Variants in F2RL2 observed in about 807,000 individuals in gnomAD.
The protein encoded by F2RL2 is proteinase-activated receptor 3.
In F2RL2, 4 loss-of-function variants were observed where a neutral mutation model predicts 4.3. That is an observed-to-expected ratio of 0.93 (90% CI 0.46 to 2.12). F2RL2 has a LOEUF of 2.12. F2RL2 is among the 30% of genes most tolerant of loss of function. The pLI is 0.02. For synonymous variants in F2RL2, 166 were observed against 170.9 expected, an observed-to-expected ratio of 0.97 and a Z score of 0.22; for missense variants, 408 against 449.3, an observed-to-expected ratio of 0.91 and a Z score of 0.83.
At position 76,617,102 on chromosome 5, in the gene F2RL2, T is replaced by C. The variant is rs1296497132; in HGVS notation, c.*480A>G. 2 of 154,684 alleles carry C rather than the reference T, an allele frequency of 1.3e-5. No homozygotes were observed. The highest frequency in any genetic ancestry group is 2.9e-5 in the Non-Finnish European group (2 of 69,614). The allele number at this position is 154,684 out of a possible 1,614,324, so 9.6% of individuals were successfully genotyped here. On this transcript the variant is annotated 3_prime_UTR_variant, in exon 2 of 2. Transcript: ENST00000296641. ...TGTCATTTTCCATAGAGTTGTGATA[T>C]CTTTTCTCCTGCATTAACATTTTTA... is the stretch of plus-strand genomic sequence containing the variant.
Position 76,623,309 on chromosome 5 carries a change from T to G in F2RL2, c.-79A>C. ...AGCACAATTTCACCTCAGTTCCATG[T>G]GTCAGCAGCAAATGGAAGCCTTGGT... is the stretch of plus-strand genomic sequence containing the variant. On this transcript the variant is annotated 5_prime_UTR_variant, in exon 1 of 2. Coordinates refer to ENST00000296641, the MANE Select transcript of F2RL2 (RefSeq NM_004101.4). The G allele has an allele frequency of 6.5e-7, 1 of 1,530,440 alleles. No homozygotes were observed. 94.8% of individuals were successfully genotyped at this position (1,530,440 alleles called of 1,614,324 possible). A position where few individuals can be genotyped will look rare whatever the true frequency, so the allele number is the denominator to read the frequency against.
intron 1 of F2RL2, 52 bp downstream of exon 1, chr5:76,623,115 A>G: frequency 1.3e-6 from 2 of 1,570,984 alleles, no homozygotes; most frequent in African/African-American, 1.4e-5. Flanking sequence ...TTGACTCTTA[A>G]TTTGTAACAG....
chr5:76,617,669 C>T lies in F2RL2; in HGVS notation c.1038G>A (p.Leu346=), dbSNP rs1351589117. Reference sequence around the variant, plus strand: ...GATCTAAGCAACTATTAAGACTACCCAGGCACAAAGCTATGAGATATATAA... The same window carrying T: ...GATCTAAGCAACTATTAAGACTACCTAGGCACAAAGCTATGAGATATATAA... ...LYFIYLIALC[L]GSLNSCLDPF... Residue 346 remains leucine (L), a synonymous_variant, in exon 2 of 2, where the codon CTG becomes CTA. Transcript: ENST00000296641. 4 of 1,613,866 alleles carry T rather than the reference C, an allele frequency of 2.5e-6. No individual in the cohort carries two copies. The Admixed American group carries it at 6.7e-5, about 27-fold the overall frequency.
chr5:76,620,188 G>C (rs930911955), intron 1 of F2RL2, among the ~76,000 whole-genome samples: 1 of 152,188 alleles, frequency 6.6e-6, no homozygotes, highest in Non-Finnish European at 1.5e-5. Context: ...TTGTTTTTAA[G>C]ATGACTTAGG....
In F2RL2 at chr5:76,617,853, A is replaced by G; in HGVS notation, c.854T>C (p.Ile285Thr). ...FVLIIYCYAAIIRTLNAYDHR... is the reference protein window; with the variant it reads ...FVLIIYCYAATIRTLNAYDHR... The stretch of plus-strand genomic sequence containing the variant: ...ATCGTATGCATTAAGTGTCCGGATG[A>G]TGGCTGCATAGCAGTAGATGATAAG... The change falls in exon 2 of 2, where the codon ATC (isoleucine) becomes ACC (threonine). Residue 285 changes from isoleucine (I) to threonine (T), a missense_variant. Transcript: ENST00000296641. The G allele has an allele frequency of 6.2e-7, 1 of 1,614,102 alleles. No individual in the cohort carries two copies. Among genetic ancestry groups the G allele is most frequent in the Non-Finnish European group, 8.5e-7 (1 of 1,179,992 alleles).
intron 1 of F2RL2, among the ~76,000 whole-genome samples, chr5:76,619,267 G>A (rs1300199041): frequency 2.0e-5 from 3 of 152,196 alleles, no homozygotes; most frequent in Non-Finnish European, 2.9e-5. Flanking sequence ...AAGTGCAGCT[G>A]AGAAAGGAAA....
At chr5:76,621,931 A>T (rs1250866322) in intron 1 of F2RL2, among the ~76,000 whole-genome samples, 2 of 152,208 alleles carry the variant, frequency 1.3e-5, no homozygotes, top group African/African-American at 4.8e-5. Flanking sequence ...GAATACAGTC[A>T]TGGATTCATA....
At chr5:76,622,330 A>C (rs189892017) in intron 1 of F2RL2, among the ~76,000 whole-genome samples, 26 of 152,336 alleles carry the variant, frequency 1.7e-4, no homozygotes, top group African/African-American at 6.0e-4. Context: ...GCTTACTGCT[A>C]ATCACCACAG....
rs989805445 is a variant in F2RL2, at chr5:76,615,668, A to G, written c.*1914T>C. 1 of 152,114 alleles carries G rather than the reference A, an allele frequency of 6.6e-6. No individual in the cohort carries two copies. The highest frequency in any genetic ancestry group is 2.1e-4 in the South Asian group (1 of 4,824). The allele number at this position is 152,114 out of a possible 1,614,324, so 9.4% of individuals were successfully genotyped here. A position where few individuals can be genotyped will look rare whatever the true frequency, so the allele number is the denominator to read the frequency against. Reference sequence around the variant, plus strand: ...TCTTCCCTGCTGTCTAATCACTAATATCTTCCCTCCTGTCTAATCACTAAT... The same window carrying G: ...TCTTCCCTGCTGTCTAATCACTAATGTCTTCCCTCCTGTCTAATCACTAAT... On this transcript the variant is annotated 3_prime_UTR_variant, in exon 2 of 2. Transcript: ENST00000296641.
At chr5:76,619,514 C>CCTTTT (rs1561518620) in intron 1 of F2RL2, among the ~76,000 whole-genome samples, 2 of 104,266 alleles carry the variant, frequency 1.9e-5, no homozygotes, top group Non-Finnish European at 3.8e-5. Context: ...TAAGGATCTT[C>CCTTTT]TTTTTTTTTT....
rs1032232282 is a variant in F2RL2 at position 76,615,726 on chromosome 5, G to A, written c.*1856C>T. On this transcript the variant is annotated 3_prime_UTR_variant, in exon 2 of 2. Coordinates refer to ENST00000296641, the MANE Select transcript of F2RL2 (RefSeq NM_004101.4). Reference sequence around the variant, plus strand: ...TTCCTGTCTAATCACTGAGTTAAGGGAAAAATAGTCATTTACTTACAGGAA... The same window carrying A: ...TTCCTGTCTAATCACTGAGTTAAGGAAAAAATAGTCATTTACTTACAGGAA... 1 of 145,736 alleles carries A rather than the reference G, an allele frequency of 6.9e-6. No homozygotes were observed. Among genetic ancestry groups the A allele is most frequent in the African/African-American group, 2.5e-5 (1 of 40,244 alleles). 9.0% of individuals were successfully genotyped at this position (145,736 alleles called of 1,614,324 possible). A position where few individuals can be genotyped will look rare whatever the true frequency, so the allele number is the denominator to read the frequency against.
rs1580641122 is a variant in F2RL2 at position 76,621,655 on chromosome 5, G to A, written c.64+1512C>T. On this transcript the variant is annotated intron_variant, in intron 1 of 1. Transcript: ENST00000296641. The stretch of plus-strand genomic sequence containing the variant: ...CATGCCTCCAGACATGCCAAACAGT[G>A]CCTGTGTTTTGTGGAAAAGTTGATT... Among the ~76,000 whole-genome samples, 3 of 152,318 alleles carry A rather than the reference G, an allele frequency of 2.0e-5. No individual in the cohort carries two copies. The East Asian group carries it at 5.8e-4, about 29-fold the overall frequency.
At chr5:76,619,114 G>T (rs1230259813) in intron 1 of F2RL2, among the ~76,000 whole-genome samples, 1 of 152,212 alleles carries the variant, frequency 6.6e-6, no homozygotes, top group East Asian at 1.9e-4. Flanking sequence ...TGGGATCTGG[G>T]AATGCCAGAT....
rs1749212877 is a variant in F2RL2, at chr5:76,618,279, C to CA, written c.427dup (p.Cys143LeufsTer7). 2.5e-6 allele frequency: 4 copies of CA among 1,614,116 alleles called. No homozygotes were observed. Among genetic ancestry groups the CA allele is most frequent in the Non-Finnish European group, 3.4e-6 (4 of 1,180,006 alleles). On this transcript the variant is annotated frameshift_variant, in exon 2 of 2. Transcript: ENST00000296641. LOFTEE classifies it low-confidence loss of function (END_TRUNC). The stretch of plus-strand genomic sequence containing the variant: ...AGCTATCTTAAAGGGCAATGTAACA[C>CA]AAAAAAGAAAATCTGCAATGGCCAG...
rs751550382 is a variant in F2RL2 at position 76,623,170 on chromosome 5, T to G, written c.61A>C (p.Ser21Arg). 1 of 1,613,990 alleles carries G rather than the reference T, an allele frequency of 6.2e-7. No individual in the cohort carries two copies. The highest frequency in any genetic ancestry group is 1.3e-5 in the African/African-American group (1 of 74,898). ...LLLLLPTFCQ[S>R]GMENDTNNLA... The stretch of plus-strand genomic sequence containing the variant: ...ACCCCCTGAGAAAATTGCTTACCAC[T>G]CTGACAAAAAGTGGGCAACAGAAGC... The change falls in exon 1 of 2, where the codon AGT (serine) becomes CGT (arginine). Residue 21 changes from serine (S) to arginine (R), a missense_variant. Transcript: ENST00000296641.
chr5:76,621,237 AC>A (rs1358806292), intron 1 of F2RL2, among the ~76,000 whole-genome samples: 1 of 152,120 alleles, frequency 6.6e-6, no homozygotes, highest in East Asian at 1.9e-4. Flanking sequence ...CTCCACGTAA[AC>A]CTGAGATTGC....
Sources: allele counts gnomAD v4.1 joint callset (sites outside exome capture counted in the v4.1 genomes callset), GRCh38; gene constraint gnomAD v4.1.1; transcripts MANE v1.5; gene names NCBI Gene and HGNC (gene_info 2026-07-23, HGNC 2026-07-21).